The following CFAP54 variants were observed in gnomAD, a reference collection of about 807,000 sequenced individuals.
CFAP54 encodes cilia and flagella associated protein 54.
Under a neutral mutation model 370.4 loss-of-function variants are expected in CFAP54, and 290 were observed. The observed-to-expected ratio is 0.78, with a 90% confidence interval of 0.71 to 0.86. The LOEUF (loss-of-function observed/expected upper bound fraction) is 0.86, where lower values mean the gene tolerates loss of function less well. CFAP54 is among the 40% of genes least tolerant of loss of function. The pLI, the probability that CFAP54 is intolerant of heterozygous loss-of-function variation, is 0.00. For missense variants in CFAP54, 3,399 were observed against 3,528.7 expected, an observed-to-expected ratio of 0.96 and a Z score of 0.93; for synonymous variants, 1,206 against 1,236.5, an observed-to-expected ratio of 0.98 and a Z score of 0.52.
chr12:96,515,703 A>G lies in CFAP54; in HGVS notation c.798+2659A>G, dbSNP rs1363337428. ...CTAAACTCCCGTTTTTATAGGATCT[A>G]GGCATGATGGCTAGCTTTTGTTATT... On this transcript the variant is annotated intron_variant, in intron 5 of 67. Coordinates refer to ENST00000524981, the MANE Select transcript of CFAP54 (RefSeq NM_001306084.2). Among the ~76,000 whole-genome samples the G allele has an allele frequency of 4.6e-5, 7 of 152,198 alleles. No individual in the cohort carries two copies. The East Asian group carries it at 1.4e-3, about 29-fold the overall frequency.
intron 50 of CFAP54, among the ~76,000 whole-genome samples, chr12:96,728,690 C>A (rs903836944): frequency 3.9e-5 from 6 of 152,222 alleles, no homozygotes; most frequent in South Asian, 2.1e-4. Context: ...CAAAGTCATT[C>A]TCCGTCCAGC....
chr12:96,613,158 T>C (rs1205640669), intron 26 of CFAP54, among the ~76,000 whole-genome samples: 2 of 151,946 alleles, frequency 1.3e-5, no homozygotes, highest in East Asian at 1.9e-4. Flanking sequence ...GAATAGAAAT[T>C]ATAACAGCTG....
At chr12:96,641,451 G>T (rs1398763889) in intron 32 of CFAP54, among the ~76,000 whole-genome samples, 1 of 152,040 alleles carries the variant, frequency 6.6e-6, no homozygotes, top group Non-Finnish European at 1.5e-5. Context: ...AGGATGTGGA[G>T]AAATAGGAAC....
intron 19 of CFAP54, among the ~76,000 whole-genome samples, chr12:96,570,069 T>C (rs541810814): frequency 6.6e-6 from 1 of 152,182 alleles, no homozygotes; most frequent in African/African-American, 2.4e-5. Flanking sequence ...CTCGACCTCC[T>C]GGGTTCAGCC....
At chr12:96,798,467 C>T (rs946754330) in intron 63 of CFAP54, among the ~76,000 whole-genome samples, 1 of 151,708 alleles carries the variant, frequency 6.6e-6, no homozygotes, top group Non-Finnish European at 1.5e-5. Flanking sequence ...AGAGTTAAGC[C>T]GTTGCTGCTT....
chr12:96,543,397 C>G (rs1033650157), intron 14 of CFAP54, among the ~76,000 whole-genome samples: 3 of 152,178 alleles, frequency 2.0e-5, no homozygotes, highest in Non-Finnish European at 4.4e-5. Flanking sequence ...TCTAGGATCC[C>G]ATACAGAACA....
At chr12:96,526,657 T>A (rs919623271) in intron 8 of CFAP54, among the ~76,000 whole-genome samples, 1 of 152,206 alleles carries the variant, frequency 6.6e-6, no homozygotes, top group South Asian at 2.1e-4. Flanking sequence ...TATGGAGATA[T>A]ATGCTTGCTT....
intron 34 of CFAP54, among the ~76,000 whole-genome samples, chr12:96,649,194 A>T (rs181891487): frequency 5.3e-4 from 80 of 152,290 alleles, no homozygotes; most frequent in African/African-American, 1.9e-3. Flanking sequence ...GACTTCTTCT[A>T]GGATATAGAT....
chr12:96,535,008 CTGTGTGTGTGTGTG>C (rs4018882), intron 11 of CFAP54, among the ~76,000 whole-genome samples: 1,530 of 137,432 alleles, frequency 0.011, 12 homozygotes, highest in Middle Eastern at 0.021. Context: ...GTTTTCTTTT[CTGTGTGTGTGTGTG>C]TGTGTGTGTG....
intron 65 of CFAP54, among the ~76,000 whole-genome samples, chr12:96,820,782 A>G (rs772720611): frequency 3.0e-4 from 46 of 152,210 alleles, no homozygotes; most frequent in South Asian, 1.5e-3. Context: ...TTTCATGTCT[A>G]TTTTCAAAAA....
At chr12:96,554,160 T>C in intron 15 of CFAP54, 22 bp from the exon 16 acceptor site, 1 of 1,441,214 alleles carries the variant, frequency 6.9e-7, no homozygotes, top group Non-Finnish European at 9.2e-7. Flanking sequence ...ATTTTTCTTT[T>C]TTGTTTATAA....
intron 65 of CFAP54, among the ~76,000 whole-genome samples, chr12:96,823,155 T>TGTG (rs58452153): frequency 6.6e-6 from 1 of 151,926 alleles, no homozygotes; most frequent in African/African-American, 2.4e-5. Context: ...TGTGTGTGTG[T>TGTG]TTTGAGAGAG....
At chr12:96,738,808 C>T (rs188551420) in intron 50 of CFAP54, among the ~76,000 whole-genome samples, 65 of 152,178 alleles carry the variant, frequency 4.3e-4, no homozygotes, top group African/African-American at 1.5e-3. Flanking sequence ...GACTGGGTTT[C>T]ACCGTGTTAG....
At chr12:96,570,918 T>C (rs1955911446) in intron 19 of CFAP54, among the ~76,000 whole-genome samples, 1 of 152,214 alleles carries the variant, frequency 6.6e-6, no homozygotes. Flanking sequence ...ATTTATCTTA[T>C]TACTTGTATA....
At chr12:96,660,600 A>G (rs1160938867) in intron 38 of CFAP54, among the ~76,000 whole-genome samples, 2 of 152,176 alleles carry the variant, frequency 1.3e-5, no homozygotes, top group African/African-American at 2.4e-5. Context: ...AATAAACTCA[A>G]TGTCTCCCAC....
chr12:96,579,325 G>C (rs945585935), intron 20 of CFAP54, among the ~76,000 whole-genome samples: 1 of 152,064 alleles, frequency 6.6e-6, no homozygotes, highest in Admixed American at 6.6e-5. Context: ...GAAAGACAAA[G>C]ATGCGGAAAC....
rs888039855 is a variant in CFAP54, at chr12:96,827,127, A to G, written c.9097-1887A>G. 1.9e-3 allele frequency among the ~76,000 whole-genome samples: 177 copies of G among 93,640 alleles called. 1 individual carries two copies. The highest frequency in any genetic ancestry group is 2.9e-3 in the Non-Finnish European group (147 of 49,854). The allele number at this position is 93,640 out of a possible 152,430, so 61.4% of individuals were successfully genotyped here. A position where few individuals can be genotyped will look rare whatever the true frequency, so the allele number is the denominator to read the frequency against. On this transcript the variant is annotated intron_variant, in intron 65 of 67. Transcript: ENST00000524981. ...TATATGTGATTATATATAATGTGCAATTATATGTGATTATATATAATGTGC... is the reference window on the plus strand; with the variant it reads ...TATATGTGATTATATATAATGTGCAGTTATATGTGATTATATATAATGTGC...
At chr12:96,738,755 C>T (rs568338868) in intron 50 of CFAP54, among the ~76,000 whole-genome samples, 90 of 152,028 alleles carry the variant, frequency 5.9e-4, no homozygotes, top group African/African-American at 2.0e-3. Context: ...GGACTACAGA[C>T]GCGTGCCACC....
intron 13 of CFAP54, 78 bp from the exon 14 acceptor site, chr12:96,540,759 A>G (rs899447924): frequency 9.7e-6 from 9 of 930,208 alleles, no homozygotes; most frequent in Admixed American, 4.0e-5. Flanking sequence ...TCAAGGAAGT[A>G]TAAGTTTTGA....
Sources: gnomAD v4.1 joint callset for allele counts (sites outside exome capture counted in the v4.1 genomes callset) on GRCh38, gnomAD v4.1.1 for gene constraint, MANE v1.5 for transcripts, NCBI Gene and HGNC (gene_info 2026-07-23, HGNC 2026-07-21) for gene names.